MAD1L1: variants seen among roughly 807,000 people sequenced by gnomAD.
MAD1L1 encodes mitotic arrest deficient 1 like 1.
MAD1L1 carries 95 observed loss-of-function variants against 96.9 expected under a neutral mutation model. The observed-to-expected ratio is 0.98, with a 90% confidence interval of 0.83 to 1.16. The LOEUF is 1.16. Ranked by LOEUF, MAD1L1 falls within the 50% of genes most tolerant of loss-of-function variation. The pLI is 0.00. For missense variants in MAD1L1, 1,007 were observed against 954.4 expected (o/e 1.06, Z -0.73); for synonymous variants, 473 against 396.6 (o/e 1.19, Z -2.29).
At chr7:2,002,185 A>G in intron 13 of MAD1L1, 64 bp from the exon 14 acceptor site, 1 of 1,499,982 alleles carries the variant, frequency 6.7e-7, no homozygotes. Context: ...CTAGGACTGC[A>G]GGGAACACAA....
At chr7:2,153,125 G>A (rs554452848) in intron 10 of MAD1L1, among the ~76,000 whole-genome samples, 3 of 152,122 alleles carry the variant, frequency 2.0e-5, no homozygotes, top group Non-Finnish European at 4.4e-5. Context: ...CATTGGTCTA[G>A]GCAAAGATTT....
intron 12 of MAD1L1, among the ~76,000 whole-genome samples, chr7:2,053,701 C>A (rs546025727): frequency 1.8e-4 from 27 of 152,276 alleles, no homozygotes; most frequent in Admixed American, 1.4e-3. Context: ...CCAGGGACAG[C>A]CCCTGGGTGA....
chr7:2,076,337 G>A (rs1037074217), intron 11 of MAD1L1, among the ~76,000 whole-genome samples: 3 of 152,226 alleles, frequency 2.0e-5, no homozygotes, highest in African/African-American at 2.4e-5. Context: ...AATGGGATGC[G>A]CAAGTTGTAA....
chr7:2,120,450 G>A (rs538555674), intron 11 of MAD1L1, among the ~76,000 whole-genome samples: 3 of 152,300 alleles, frequency 2.0e-5, no homozygotes, highest in Admixed American at 6.5e-5. Flanking sequence ...GCAGCCTTGG[G>A]GTCACCACCC....
chr7:2,087,535 G>A lies in MAD1L1; in HGVS notation c.1074-18197C>T, dbSNP rs145482674. On this transcript the variant is annotated intron_variant, in intron 11 of 18. Coordinates refer to ENST00000265854, the MANE Select transcript of MAD1L1 (RefSeq NM_001013836.2). Reference sequence around the variant, plus strand: ...AGCCTGGGCAACAGTGTGAGACTCCGTCTTGAAAATAATATTATTAATACT... The same window carrying A: ...AGCCTGGGCAACAGTGTGAGACTCCATCTTGAAAATAATATTATTAATACT... Among the ~76,000 whole-genome samples, 30 of 152,228 alleles carry A rather than the reference G, an allele frequency of 2.0e-4. 2 individuals are homozygous for A. In the Middle Eastern group the frequency reaches 0.02, roughly 104 times the overall value.
At chr7:2,070,201 C>G (rs1173594860) in intron 11 of MAD1L1, among the ~76,000 whole-genome samples, 1 of 152,220 alleles carries the variant, frequency 6.6e-6, no homozygotes, top group African/African-American at 2.4e-5. Context: ...GACTTGGGAC[C>G]GGACAAATGA....
At chr7:2,168,493 G>T (rs1460415811) in intron 10 of MAD1L1, among the ~76,000 whole-genome samples, 1 of 152,222 alleles carries the variant, frequency 6.6e-6, no homozygotes, top group Non-Finnish European at 1.5e-5. Context: ...GCACCTGCAG[G>T]CCTGGGCTGT....
intron 15 of MAD1L1, among the ~76,000 whole-genome samples, chr7:1,970,530 C>T (rs750814725): frequency 1.7e-4 from 26 of 151,942 alleles, no homozygotes; most frequent in Admixed American, 7.2e-4. Context: ...GACGGGGTTT[C>T]GCTATGTTGG....
chr7:1,850,092 G>C (rs1487745513), intron 18 of MAD1L1, among the ~76,000 whole-genome samples: 1 of 152,198 alleles, frequency 6.6e-6, no homozygotes, highest in African/African-American at 2.4e-5. Context: ...TCTGTGAGGC[G>C]TTTGTTCTCA....
chr7:2,013,630 C>T (rs944537041), intron 13 of MAD1L1, among the ~76,000 whole-genome samples: 1 of 152,264 alleles, frequency 6.6e-6, no homozygotes, highest in Non-Finnish European at 1.5e-5. Context: ...CCGGCGGCGG[C>T]GTGTGCCAGC....
intron 18 of MAD1L1, among the ~76,000 whole-genome samples, chr7:1,818,411 TCTCA>T (rs201075734): frequency 0.024 from 3,697 of 151,922 alleles, 123 homozygotes; most frequent in South Asian, 0.079. Context: ...TAGAGACGAG[TCTCA>T]CTCTGTCACC....
At chr7:2,183,178 A>C (rs1172049798) in intron 10 of MAD1L1, among the ~76,000 whole-genome samples, 1 of 151,822 alleles carries the variant, frequency 6.6e-6, no homozygotes, top group Non-Finnish European at 1.5e-5. Context: ...GCGCCACTGC[A>C]TCCTGGCCTG....
chr7:1,817,458 C>A (rs1201876345), intron 18 of MAD1L1: 2 of 152,252 alleles, frequency 1.3e-5, no homozygotes, highest in Non-Finnish European at 2.9e-5. Context: ...ACCGGGTTTA[C>A]CCGTCAACAC....
intron 11 of MAD1L1, among the ~76,000 whole-genome samples, chr7:2,113,405 C>A (rs1431873264): frequency 6.6e-6 from 1 of 152,082 alleles, no homozygotes. Context: ...CATGGCGAAA[C>A]CCCCTCTCTA....
intron 7 of MAD1L1, 22 bp downstream of exon 7, chr7:2,217,940 G>A: frequency 6.3e-7 from 1 of 1,596,902 alleles, no homozygotes; most frequent in Non-Finnish European, 8.6e-7. Flanking sequence ...TGTCCACAAG[G>A]CACTGACAGG....
At chr7:1,907,516 G>A (rs1787736821) in intron 17 of MAD1L1, among the ~76,000 whole-genome samples, 1 of 152,270 alleles carries the variant, frequency 6.6e-6, no homozygotes, top group South Asian at 2.1e-4. Context: ...GGCCAAGCCA[G>A]GAGGACAATC....
intron 11 of MAD1L1, among the ~76,000 whole-genome samples, chr7:2,125,644 C>T (rs1047437654): frequency 6.6e-6 from 1 of 152,180 alleles, no homozygotes; most frequent in Non-Finnish European, 1.5e-5. Context: ...CTGACGACTC[C>T]AAACAGGGCA....
chr7:2,227,541 G>T (rs1793966698), intron 3 of MAD1L1, among the ~76,000 whole-genome samples: 2 of 152,118 alleles, frequency 1.3e-5, no homozygotes, highest in African/African-American at 4.8e-5. Context: ...GCACAAGAAA[G>T]TCCTGAGAAA....
In MAD1L1 at chr7:2,146,163, G is replaced by A. The variant is rs574932100; in HGVS notation, c.1073+2989C>T. 5.3e-5 allele frequency among the ~76,000 whole-genome samples: 8 copies of A among 152,326 alleles called. No homozygotes were observed. In the East Asian group the frequency reaches 1.5e-3, roughly 29 times the overall value. Reference sequence around the variant, plus strand: ...GAATGACCCAGCCGTCACTTCAGAAGCTCGGCCTGAGGCACAAGCATTCCG... The same window carrying A: ...GAATGACCCAGCCGTCACTTCAGAAACTCGGCCTGAGGCACAAGCATTCCG... On this transcript the variant is annotated intron_variant, in intron 11 of 18. Coordinates refer to ENST00000265854, the MANE Select transcript of MAD1L1 (RefSeq NM_001013836.2). This position sits in a 1 kb window ranked among gnomAD's most constrained non-coding sequence, Gnocchi z 6.2.
Sources: allele counts gnomAD v4.1 joint callset (sites outside exome capture counted in the v4.1 genomes callset), GRCh38; gene constraint gnomAD v4.1.1; non-coding constraint Gnocchi (gnomAD v3.1); transcripts MANE v1.5; gene names NCBI Gene and HGNC (gene_info 2026-07-23, HGNC 2026-07-21).